Variants in QTMAN observed in about 807,000 individuals in gnomAD.
The protein encoded by QTMAN is tRNA-queuosine alpha-mannosyltransferase.
At chr2:144,103,353 G>T in the QTMAN span, among the ~76,000 whole-genome samples, 2 of 152,226 alleles carry the variant, frequency 1.3e-5, no homozygotes, top group East Asian at 3.9e-4. Context: ...AAAGGACAGT[G>T]AGTATCTGTT....
chr2:144,057,127 C>G, the QTMAN span, among the ~76,000 whole-genome samples: 3 of 152,190 alleles, frequency 2.0e-5, no homozygotes, highest in African/African-American at 7.2e-5. Context: ...GTGGCCAAGA[C>G]GTTGAACTTC....
chr2:143,967,870 A>G, the QTMAN span, among the ~76,000 whole-genome samples: 1 of 152,204 alleles, frequency 6.6e-6, no homozygotes, highest in East Asian at 1.9e-4. Flanking sequence ...CCACCTGGGA[A>G]AAAATGGAGG....
the QTMAN span, chr2:143,946,625 G>A: frequency 6.4e-6 from 1 of 157,006 alleles, no homozygotes; most frequent in Non-Finnish European, 1.4e-5. Flanking sequence ...GTTTGAAGCT[G>A]CAGTTTGGCT....
chr2:144,020,553 GCA>G, the QTMAN span, among the ~76,000 whole-genome samples: 1 of 152,330 alleles, frequency 6.6e-6, no homozygotes, highest in South Asian at 2.1e-4. Context: ...AACTAAAAGA[GCA>G]CCCTGTAACA....
chr2:144,133,458 TATATA>T, the QTMAN span, among the ~76,000 whole-genome samples: 1 of 72,596 alleles, frequency 1.4e-5, no homozygotes, highest in African/African-American at 5.9e-5. Context: ...TAATATATAA[TATATA>T]TTATATATTA....
chr2:144,288,058 T>C, the QTMAN span, among the ~76,000 whole-genome samples: 4 of 151,928 alleles, frequency 2.6e-5, no homozygotes, highest in African/African-American at 4.8e-5. Context: ...TTTCACCATA[T>C]TGGGGTTTCA....
At chr2:144,021,577 T>C in the QTMAN span, among the ~76,000 whole-genome samples, 9 of 151,888 alleles carry the variant, frequency 5.9e-5, no homozygotes, top group African/African-American at 2.2e-4. Context: ...AAGAAAAAAA[T>C]GGAAATGATA....
At chr2:144,270,349 T>A in the QTMAN span, among the ~76,000 whole-genome samples, 3 of 152,188 alleles carry the variant, frequency 2.0e-5, no homozygotes, top group African/African-American at 7.2e-5. Context: ...TAAAGATACA[T>A]GCACACGTAT....
the QTMAN span, among the ~76,000 whole-genome samples, chr2:144,193,344 AACATAAAATG>A: frequency 1.3e-5 from 2 of 150,746 alleles, no homozygotes; most frequent in African/African-American, 2.4e-5. Flanking sequence ...TAATTACAAA[AACATAAAATG>A]ACATAAAATG....
At chr2:144,318,728 T>C in the QTMAN span, among the ~76,000 whole-genome samples, 1 of 152,220 alleles carries the variant, frequency 6.6e-6, no homozygotes, top group Non-Finnish European at 1.5e-5. Context: ...AGGTAAGTCA[T>C]GAAGGAAACT....
At chr2:144,156,683 T>C in the QTMAN span, among the ~76,000 whole-genome samples, 16 of 152,176 alleles carry the variant, frequency 1.1e-4, no homozygotes, top group African/African-American at 3.1e-4. Context: ...AACAAAAACA[T>C]TGGTTTTCAA....
chr2:144,303,632 C>CT, the QTMAN span, among the ~76,000 whole-genome samples: 5 of 152,038 alleles, frequency 3.3e-5, no homozygotes, highest in Non-Finnish European at 7.4e-5. Context: ...CATGCAAAAA[C>CT]TTTTATTTTT....
the QTMAN span, among the ~76,000 whole-genome samples, chr2:143,950,032 C>A: frequency 1.3e-5 from 2 of 151,606 alleles, no homozygotes; most frequent in African/African-American, 4.8e-5. Context: ...TCACTAAGCA[C>A]TATGGATGAA....
the QTMAN span, among the ~76,000 whole-genome samples, chr2:144,209,136 C>T: frequency 3.3e-5 from 5 of 152,164 alleles, no homozygotes; most frequent in Non-Finnish European, 5.9e-5. Flanking sequence ...CTGGTTTGTT[C>T]GGCTGTAAGC....
the QTMAN span, among the ~76,000 whole-genome samples, chr2:143,999,810 A>G: frequency 6.6e-6 from 1 of 152,172 alleles, no homozygotes; most frequent in Non-Finnish European, 1.5e-5. Flanking sequence ...TTTTGCAACA[A>G]TTAGTATGTT....
chr2:144,182,886 TTATA>T, the QTMAN span, among the ~76,000 whole-genome samples: 1 of 77,120 alleles, frequency 1.3e-5, no homozygotes, highest in African/African-American at 5.9e-5. Context: ...TATATATATT[TTATA>T]TATATATATA....
At chr2:144,307,188 T>TAAAAAAAAA in the QTMAN span, among the ~76,000 whole-genome samples, 3 of 81,264 alleles carry the variant, frequency 3.7e-5, no homozygotes, top group South Asian at 3.9e-4. Flanking sequence ...AAAAAACAAT[T>TAAAAAAAAA]AAAAAAAAAA....
At chr2:143,995,558 A>G in the QTMAN span, among the ~76,000 whole-genome samples, 11 of 152,174 alleles carry the variant, frequency 7.2e-5, no homozygotes, top group African/African-American at 2.7e-4. Context: ...CATATAAAGA[A>G]GAAAACTGAA....
chr2:144,137,528 C>G, the QTMAN span, among the ~76,000 whole-genome samples: 4 of 152,066 alleles, frequency 2.6e-5, no homozygotes, highest in African/African-American at 9.7e-5. Context: ...AATCTGCTGT[C>G]AGCTGAAAAA....
Sources: gnomAD v4.1 joint callset for allele counts (sites outside exome capture counted in the v4.1 genomes callset) on GRCh38, gnomAD v4.1.1 for gene constraint, MANE v1.5 for transcripts, NCBI Gene and HGNC (gene_info 2026-07-23, HGNC 2026-07-21) for gene names.